The following ADGRB3 variants were observed in gnomAD, a reference collection of about 807,000 sequenced individuals.
The protein encoded by ADGRB3 is adhesion G protein-coupled receptor B3.
ADGRB3 carries 37 observed loss-of-function variants against 193.4 expected under a neutral mutation model. The ratio of observed to expected loss-of-function variants is 0.19; its 90% CI spans 0.15 to 0.25. ADGRB3 has a LOEUF of 0.25. ADGRB3 is among the 10% of genes least tolerant of loss of function. ADGRB3 has a pLI of 1.00. For synonymous variants in ADGRB3, 690 were observed against 644.2 expected (o/e 1.07, Z -1.08); for missense variants, 1,637 against 1,852.9 (o/e 0.88, Z 2.14).
chr6:69,086,403 C>T (rs1295040133), intron 17 of ADGRB3, among the ~76,000 whole-genome samples: 1 of 152,108 alleles, frequency 6.6e-6, no homozygotes, highest in Non-Finnish European at 1.5e-5. Flanking sequence ...GCAAATTTCA[C>T]TGCCCTGAAT....
chr6:68,767,304 A>G (rs1406364739), intron 3 of ADGRB3, among the ~76,000 whole-genome samples: 1 of 152,172 alleles, frequency 6.6e-6, no homozygotes, highest in Non-Finnish European at 1.5e-5. Flanking sequence ...TAATACTGGC[A>G]AGCCGAATCC....
intron 17 of ADGRB3, among the ~76,000 whole-genome samples, chr6:69,125,319 T>C (rs981743746): frequency 3.3e-5 from 5 of 152,216 alleles, no homozygotes; most frequent in African/African-American, 1.2e-4. Context: ...TCTCGGGCTT[T>C]AACTCAATTG....
At chr6:68,806,626 T>A (rs1489275948) in intron 3 of ADGRB3, among the ~76,000 whole-genome samples, 1 of 151,886 alleles carries the variant, frequency 6.6e-6, no homozygotes, top group South Asian at 2.1e-4. Context: ...GATTTTTATA[T>A]AAATATGTGA....
intron 21 of ADGRB3, 25 bp downstream of exon 21, chr6:69,325,047 A>G (rs754866131): frequency 1.3e-6 from 2 of 1,599,006 alleles, no homozygotes; most frequent in East Asian, 2.2e-5. Context: ...ATACCGTTTC[A>G]TGCTCTTCTC....
intron 3 of ADGRB3, among the ~76,000 whole-genome samples, chr6:68,863,880 T>A (rs483744): frequency 0.41 from 62,424 of 151,908 alleles, 14,165 homozygotes; most frequent in African/African-American, 0.59. Context: ...CCCGGGGATA[T>A]TTGTGGGATA....
intron 20 of ADGRB3, among the ~76,000 whole-genome samples, chr6:69,278,391 T>A (rs1363701531): frequency 6.6e-6 from 1 of 152,228 alleles, no homozygotes; most frequent in Admixed American, 6.5e-5. Context: ...TAACTCCTTA[T>A]GATGCGTAAC....
chr6:69,239,328 AC>A (rs1766337122), intron 20 of ADGRB3, 102 bp downstream of exon 20: 1 of 825,104 alleles, frequency 1.2e-6, no homozygotes, highest in Admixed American at 2.8e-5. Context: ...AGAACTTCTG[AC>A]AAAATTATAT....
intron 10 of ADGRB3, among the ~76,000 whole-genome samples, chr6:68,989,131 TG>T (rs1347280889): frequency 6.6e-6 from 1 of 152,008 alleles, no homozygotes; most frequent in Non-Finnish European, 1.5e-5. Flanking sequence ...ATAAATATCA[TG>T]AAGCAAAACA....
At chr6:69,234,882 A>G (rs1244636173) in intron 18 of ADGRB3, 150 bp from the exon 19 acceptor site, 1 of 585,556 alleles carries the variant, frequency 1.7e-6, no homozygotes, top group Non-Finnish European at 3.0e-6. Context: ...TTGAGAATGC[A>G]AGAACAGAGT....
chr6:69,376,670 A>G lies in ADGRB3; in HGVS notation c.4275+4229A>G, dbSNP rs553599017. On this transcript the variant is annotated intron_variant, in intron 30 of 31. Transcript: ENST00000370598. ...AATTGTGACATAGAAATCAAAGTAT[A>G]TTTCAATTTCTAAGTATAAGGCATA... Among the ~76,000 whole-genome samples, 17 of 152,168 alleles carry G rather than the reference A, an allele frequency of 1.1e-4. 1 individual carries two copies. In the South Asian group the frequency reaches 3.1e-3, roughly 28 times the overall value.
At chr6:68,762,280 C>T (rs1766407155) in intron 3 of ADGRB3, among the ~76,000 whole-genome samples, 1 of 151,996 alleles carries the variant, frequency 6.6e-6, no homozygotes, top group Non-Finnish European at 1.5e-5. Context: ...GTTTTCTGAT[C>T]CCCTTTTTAA....
intron 20 of ADGRB3, among the ~76,000 whole-genome samples, chr6:69,303,051 G>A (rs1422593925): frequency 2.6e-5 from 4 of 152,082 alleles, no homozygotes; most frequent in Admixed American, 6.6e-5. Context: ...GGAAGAGGAC[G>A]TAGAAGCAGT....
chr6:69,196,296 C>T (rs1159205874), intron 17 of ADGRB3, among the ~76,000 whole-genome samples: 1 of 152,066 alleles, frequency 6.6e-6, no homozygotes, highest in Non-Finnish European at 1.5e-5. Flanking sequence ...ATCTGTCAGG[C>T]TGGTCTTCAT....
At chr6:69,093,253 G>C (rs1772768543) in intron 17 of ADGRB3, among the ~76,000 whole-genome samples, 2 of 151,182 alleles carry the variant, frequency 1.3e-5, no homozygotes, top group Admixed American at 6.6e-5. Context: ...AGGGAATTGA[G>C]GTAGCCAGCC....
chr6:69,305,427 A>G (rs1041422383), intron 20 of ADGRB3, among the ~76,000 whole-genome samples: 8 of 151,676 alleles, frequency 5.3e-5, no homozygotes, highest in Middle Eastern at 3.4e-3. Flanking sequence ...TGTTGGAATC[A>G]TGAGATAATT....
chr6:68,894,944 A>C (rs2150230547), intron 3 of ADGRB3, among the ~76,000 whole-genome samples: 1 of 151,998 alleles, frequency 6.6e-6, no homozygotes, highest in East Asian at 1.9e-4. Context: ...AACTAACTGC[A>C]TGCTTTTGGT....
intron 11 of ADGRB3, among the ~76,000 whole-genome samples, chr6:69,011,428 G>A (rs2150284152): frequency 6.6e-6 from 1 of 151,946 alleles, no homozygotes; most frequent in African/African-American, 2.4e-5. Flanking sequence ...TAAATATTGG[G>A]TACTCATGCA....
At chr6:69,200,649 T>G (rs767006154) in intron 17 of ADGRB3, among the ~76,000 whole-genome samples, 14 of 152,082 alleles carry the variant, frequency 9.2e-5, no homozygotes, top group Non-Finnish European at 1.9e-4. Context: ...AGCTGTGAGA[T>G]CTATGAAAGC....
intron 3 of ADGRB3, among the ~76,000 whole-genome samples, chr6:68,904,774 T>C (rs933532316): frequency 1.3e-5 from 2 of 152,176 alleles, no homozygotes; most frequent in Non-Finnish European, 2.9e-5. Flanking sequence ...CAGGAATCCA[T>C]TGGTTTGATT....
Sources: allele counts gnomAD v4.1 joint callset (sites outside exome capture counted in the v4.1 genomes callset), GRCh38; gene constraint gnomAD v4.1.1; transcripts MANE v1.5; gene names NCBI Gene and HGNC (gene_info 2026-07-23, HGNC 2026-07-21).